MEGF11: variants seen among roughly 807,000 people sequenced by gnomAD.
MEGF11 encodes multiple EGF like domains 11.
Under a neutral mutation model 146.6 loss-of-function variants are expected in MEGF11, and 126 were observed. The ratio of observed to expected loss-of-function variants is 0.86; its 90% CI spans 0.74 to 1.00. The LOEUF (loss-of-function observed/expected upper bound fraction) is 1.00, where lower values mean the gene tolerates loss of function less well. MEGF11 is among the 50% of genes least tolerant of loss of function. The pLI is 0.00. For missense variants in MEGF11, 1,509 were observed against 1,521.2 expected, an observed-to-expected ratio of 0.99 and a Z score of 0.13; for synonymous variants, 532 against 583.4, an observed-to-expected ratio of 0.91 and a Z score of 1.27.
chr15:66,211,372 A>C (rs1266953735), intron 1 of MEGF11, among the ~76,000 whole-genome samples: 2 of 152,034 alleles, frequency 1.3e-5, no homozygotes, highest in Non-Finnish European at 2.9e-5. Context: ...AAATACAAAA[A>C]AATTAGCCGA....
At chr15:66,027,204 G>C (rs190602413) in intron 5 of MEGF11, among the ~76,000 whole-genome samples, 19 of 152,316 alleles carry the variant, frequency 1.2e-4, no homozygotes, top group African/African-American at 4.6e-4. Context: ...CACACTTCCA[G>C]ATTGATCAGC....
chr15:66,019,397 G>A (rs2083018073), intron 5 of MEGF11, among the ~76,000 whole-genome samples: 1 of 152,228 alleles, frequency 6.6e-6, no homozygotes. Context: ...AATGTATTCA[G>A]CAAGTGTATT....
chr15:66,187,378 G>A (rs1426719673), intron 1 of MEGF11, among the ~76,000 whole-genome samples: 1 of 152,172 alleles, frequency 6.6e-6, no homozygotes, highest in Middle Eastern at 3.2e-3. Flanking sequence ...GGGGAGCCCA[G>A]CTCCCTGTCC....
chr15:66,037,768 T>A (rs1475282151), intron 5 of MEGF11, among the ~76,000 whole-genome samples: 1 of 152,194 alleles, frequency 6.6e-6, no homozygotes, highest in Non-Finnish European at 1.5e-5. Flanking sequence ...ATCTTCCTCC[T>A]CAGATTAGAG....
At chr15:66,096,819 G>C (rs528390680) in intron 4 of MEGF11, among the ~76,000 whole-genome samples, 10 of 152,174 alleles carry the variant, frequency 6.6e-5, no homozygotes, top group Admixed American at 1.3e-4. Flanking sequence ...TCCAAGCTGG[G>C]GGGGAACAGC....
At chr15:65,901,511 C>A (rs2078493991) in intron 24 of MEGF11, among the ~76,000 whole-genome samples, 1 of 151,402 alleles carries the variant, frequency 6.6e-6, no homozygotes, top group Non-Finnish European at 1.5e-5. Context: ...AGTAGTTGAA[C>A]CCCTATTGTC....
intron 1 of MEGF11, among the ~76,000 whole-genome samples, chr15:66,129,945 A>C (rs1293611484): frequency 6.6e-6 from 1 of 152,224 alleles, no homozygotes; most frequent in African/African-American, 2.4e-5. Flanking sequence ...TCTGAAAATC[A>C]GAAAGAGGGG....
At chr15:66,100,509 G>A (rs550208278) in intron 4 of MEGF11, among the ~76,000 whole-genome samples, 11 of 152,334 alleles carry the variant, frequency 7.2e-5, no homozygotes, top group Admixed American at 2.0e-4. Flanking sequence ...GTTGCAAGCC[G>A]TGGGTTACTC....
intron 5 of MEGF11, among the ~76,000 whole-genome samples, chr15:66,052,727 T>C (rs2084502747): frequency 6.6e-6 from 1 of 152,170 alleles, no homozygotes; most frequent in Admixed American, 6.5e-5. Flanking sequence ...GAGGCTGCAC[T>C]AGGGGGCTTC....
intron 5 of MEGF11, among the ~76,000 whole-genome samples, chr15:66,013,519 A>G (rs1218492057): frequency 2.6e-5 from 4 of 152,150 alleles, no homozygotes; most frequent in Non-Finnish European, 5.9e-5. Context: ...GCACATTCTA[A>G]TCTAATCTCC....
chr15:65,976,658 G>C (rs114704445), intron 7 of MEGF11, among the ~76,000 whole-genome samples: 2,875 of 152,350 alleles, frequency 0.019, 77 homozygotes, highest in African/African-American at 0.065. Flanking sequence ...CGCCTAGTCT[G>C]TGGCACTTTG....
chr15:66,116,296 C>T (rs947355260), intron 4 of MEGF11, among the ~76,000 whole-genome samples: 1 of 152,086 alleles, frequency 6.6e-6, no homozygotes, highest in Admixed American at 6.5e-5. Context: ...TCCCGCCTTC[C>T]CGTCATGAAA....
At chr15:66,019,369 A>C (rs1456834907) in intron 5 of MEGF11, among the ~76,000 whole-genome samples, 1 of 152,236 alleles carries the variant, frequency 6.6e-6, no homozygotes, top group African/African-American at 2.4e-5. Flanking sequence ...ATGGGGTTGA[A>C]AGGAACCAGG....
chr15:65,955,789 T>TAC (rs1472605141), intron 10 of MEGF11, among the ~76,000 whole-genome samples: 29 of 6,368 alleles, frequency 4.6e-3, no homozygotes, highest in Non-Finnish European at 0.019. Flanking sequence ...TATATATATA[T>TAC]ATATACACAC....
intron 5 of MEGF11, among the ~76,000 whole-genome samples, chr15:66,009,808 A>T (rs1174480358): frequency 2.0e-5 from 3 of 151,850 alleles, no homozygotes; most frequent in Admixed American, 6.6e-5. Flanking sequence ...GTTAGCCAGG[A>T]TGGTCTCGAT....
At chr15:66,102,761 A>G (rs758436582) in intron 4 of MEGF11, among the ~76,000 whole-genome samples, 2 of 152,196 alleles carry the variant, frequency 1.3e-5, no homozygotes, top group Non-Finnish European at 2.9e-5. Context: ...TTCTTTAGGT[A>G]GACAGGGAGG....
chr15:65,907,146 A>C (rs1223100059), intron 23 of MEGF11, among the ~76,000 whole-genome samples: 5 of 152,160 alleles, frequency 3.3e-5, no homozygotes, highest in Non-Finnish European at 7.3e-5. Flanking sequence ...AGTTTCTGAC[A>C]CTGAAGACCA....
chr15:65,996,523 T>C (rs2141806715), intron 5 of MEGF11, among the ~76,000 whole-genome samples: 1 of 151,424 alleles, frequency 6.6e-6, no homozygotes. Context: ...TCTCACTCTG[T>C]CGCCCAGGCT....
In MEGF11 at chr15:66,242,128, C is replaced by T. The variant is rs762297870; in HGVS notation, c.-9+11477G>A. On this transcript the variant is annotated intron_variant, in intron 1 of 25. Coordinates refer to ENST00000395614, the MANE Select transcript of MEGF11 (RefSeq NM_001385028.1). ...GCAGCACTAACAAGTAGGGGCAAGC[C>T]GGACATAGTGACTCACATCTATAAT... 7.9e-4 allele frequency among the ~76,000 whole-genome samples: 120 copies of T among 152,082 alleles called. 2 individuals carry two copies. The highest frequency in any genetic ancestry group is 1.6e-3 in the Non-Finnish European group (106 of 68,024).
Sources: gnomAD v4.1 joint callset for allele counts (sites outside exome capture counted in the v4.1 genomes callset) on GRCh38, gnomAD v4.1.1 for gene constraint, MANE v1.5 for transcripts, NCBI Gene and HGNC (gene_info 2026-07-23, HGNC 2026-07-21) for gene names.